Variants in DNAJB6 observed in about 807,000 individuals in gnomAD.
DNAJB6 encodes the protein dnaJ homolog subfamily B member 6.
A neutral mutation model predicts 42.7 loss-of-function variants in DNAJB6; 16 were observed. The ratio of observed to expected loss-of-function variants is 0.37; its 90% CI spans 0.25 to 0.57. DNAJB6 has a LOEUF of 0.57. DNAJB6 is among the 20% of genes least tolerant of loss of function. DNAJB6 has a pLI of 0.74. For synonymous variants in DNAJB6, 170 were observed against 163.5 expected (o/e 1.04, Z -0.30); for missense variants, 347 against 416.8 (o/e 0.83, Z 1.46).
At chr7:157,355,450 G>T (rs180999317) in intron 1 of DNAJB6, among the ~76,000 whole-genome samples, 1 of 152,222 alleles carries the variant, frequency 6.6e-6, no homozygotes, top group South Asian at 2.1e-4. Context: ...GTGAGCCACC[G>T]CACCCGGCCA....
At position 157,409,928 on chromosome 7, in the gene DNAJB6, T is replaced by C. The variant is rs1034901113; in HGVS notation, c.825T>C (p.Cys275=). Residue 275 remains cysteine (C), a synonymous_variant, in exon 9 of 10, where the codon TGT becomes TGC. Transcript: ENST00000262177. ...CGCTGCTGAGACACGCGCCTCACTG[T>C]CTCTCTGAGGAGGAGGGCGAGCAGG... ...PASLLRHAPH[C]LSEEEGEQDR... The C allele has an allele frequency of 3.9e-6, 6 of 1,536,314 alleles. No homozygotes were observed. The highest frequency in any genetic ancestry group is 4.4e-6 in the Non-Finnish European group (5 of 1,146,034).
At chr7:157,391,459 TG>T (rs1801338925) in intron 8 of DNAJB6, among the ~76,000 whole-genome samples, 1 of 152,200 alleles carries the variant, frequency 6.6e-6, no homozygotes, top group Non-Finnish European at 1.5e-5. Flanking sequence ...CCTGCACAGA[TG>T]AATTGGCACT....
At chr7:157,359,505 G>C (rs1329507864) in intron 2 of DNAJB6, among the ~76,000 whole-genome samples, 1 of 152,182 alleles carries the variant, frequency 6.6e-6, no homozygotes, top group Non-Finnish European at 1.5e-5. Flanking sequence ...GAGCCACTGT[G>C]TGTAGCTGAG....
At chr7:157,385,761 A>G (rs1416541374) in intron 8 of DNAJB6, 150 bp downstream of exon 8, 14 of 1,448,586 alleles carry the variant, frequency 9.7e-6, no homozygotes, top group Non-Finnish European at 1.3e-5. Flanking sequence ...AATTGTACCT[A>G]AAGTATTTAT....
intron 8 of DNAJB6, among the ~76,000 whole-genome samples, chr7:157,396,252 T>C (rs1801580066): frequency 6.6e-6 from 1 of 152,176 alleles, no homozygotes. Flanking sequence ...CCTGGCCCCA[T>C]GTTCCTTTTC....
intron 8 of DNAJB6, 93 bp from the exon 9 acceptor site, chr7:157,409,702 G>C: frequency 7.4e-7 from 1 of 1,355,416 alleles, no homozygotes. Flanking sequence ...TGGATTCAGG[G>C]AGATCGTGCG....
chr7:157,398,528 C>T (rs1046671112), intron 8 of DNAJB6, among the ~76,000 whole-genome samples: 1 of 152,240 alleles, frequency 6.6e-6, no homozygotes, highest in Non-Finnish European at 1.5e-5. Flanking sequence ...GGGGAAGAAA[C>T]TGGAGCCTCT....
At chr7:157,340,534 ATT>A (rs57143094) in intron 1 of DNAJB6, among the ~76,000 whole-genome samples, 17 of 148,828 alleles carry the variant, frequency 1.1e-4, no homozygotes, top group African/African-American at 3.4e-4. Context: ...TAAAAATGTG[ATT>A]TTTTTTTTTG....
intron 9 of DNAJB6, 110 bp from the exon 10 acceptor site, chr7:157,415,906 T>G: frequency 6.3e-7 from 1 of 1,583,406 alleles, no homozygotes. Context: ...GATGACTTCA[T>G]TTTGTTGCTT....
At chr7:157,361,121 A>G (rs1239015693) in intron 2 of DNAJB6, among the ~76,000 whole-genome samples, 1 of 146,942 alleles carries the variant, frequency 6.8e-6, no homozygotes, top group Admixed American at 6.8e-5. Context: ...TTGACTGAGG[A>G]TTTCTGGCAC....
chr7:157,366,609 A>G, intron 4 of DNAJB6, 48 bp downstream of exon 4: 2 of 1,556,652 alleles, frequency 1.3e-6, no homozygotes, highest in Non-Finnish European at 1.8e-6. Context: ...TTGGCAAGTA[A>G]GTTGAGTTTG....
chr7:157,367,728 G>T (rs183749083), intron 5 of DNAJB6, among the ~76,000 whole-genome samples: 45 of 152,110 alleles, frequency 3.0e-4, no homozygotes, highest in Admixed American at 7.2e-4. Context: ...GCATGGTGGC[G>T]CATGCCTGTA....
chr7:157,402,562 G>T (rs114028526), intron 8 of DNAJB6, among the ~76,000 whole-genome samples: 1 of 152,238 alleles, frequency 6.6e-6, no homozygotes, highest in East Asian at 1.9e-4. Context: ...ACACCTCCCA[G>T]GCTGGCCAGA....
At chr7:157,354,872 G>T (rs1799191821) in intron 1 of DNAJB6, among the ~76,000 whole-genome samples, 1 of 152,186 alleles carries the variant, frequency 6.6e-6, no homozygotes, top group Non-Finnish European at 1.5e-5. Flanking sequence ...GGAGCTCAAG[G>T]TAGAATTTAC....
At chr7:157,340,230 T>G (rs1326811920) in intron 1 of DNAJB6, among the ~76,000 whole-genome samples, 1 of 152,222 alleles carries the variant, frequency 6.6e-6, no homozygotes. Flanking sequence ...TTTTAAAACT[T>G]TTTCATTTCC....
intron 5 of DNAJB6, among the ~76,000 whole-genome samples, chr7:157,374,484 C>G (rs139885585): frequency 1.3e-5 from 2 of 152,148 alleles, no homozygotes; most frequent in Non-Finnish European, 2.9e-5. Flanking sequence ...GTCTCGAACT[C>G]CTGAGCTCAG....
intron 8 of DNAJB6, among the ~76,000 whole-genome samples, chr7:157,407,620 T>A (rs185334936): frequency 6.6e-6 from 1 of 152,244 alleles, no homozygotes; most frequent in East Asian, 1.9e-4. Flanking sequence ...GGAGCACCTG[T>A]GCTGAGTCTC....
In DNAJB6 at chr7:157,353,586, G is replaced by GGTGTGTGTGTGT. The variant is rs370854040; in HGVS notation, c.-26-4936_-26-4925dup. 2.4e-3 allele frequency among the ~76,000 whole-genome samples: 331 copies of GGTGTGTGTGTGT among 140,068 alleles called. 4 individuals are homozygous for GGTGTGTGTGTGT. Among genetic ancestry groups the GGTGTGTGTGTGT allele is most frequent in the East Asian group, 9.1e-3 (44 of 4,860 alleles). 91.9% of individuals were successfully genotyped at this position (140,068 alleles called of 152,430 possible). ...CTGTCCCGTTGTTTTTCTTGACCGGGGTGTGTGTGTGTGTGTGTGTGTGTG... is the reference window on the plus strand; with the variant it reads ...CTGTCCCGTTGTTTTTCTTGACCGGGGTGTGTGTGTGTGTGTGTGTGTGTGTGTGTGTGTGTG... On this transcript the variant is annotated intron_variant, in intron 1 of 9. Coordinates refer to ENST00000262177, the MANE Select transcript of DNAJB6 (RefSeq NM_058246.4).
intron 9 of DNAJB6, 76 bp from the exon 10 acceptor site, chr7:157,415,940 T>G (rs1314017523): frequency 6.2e-7 from 1 of 1,604,910 alleles, no homozygotes; most frequent in Non-Finnish European, 8.5e-7. Flanking sequence ...TGGGGAGATA[T>G]TTAGAAAACA....
Sources: gnomAD v4.1 joint callset for allele counts (sites outside exome capture counted in the v4.1 genomes callset) on GRCh38, gnomAD v4.1.1 for gene constraint, MANE v1.5 for transcripts, NCBI Gene and HGNC (gene_info 2026-07-23, HGNC 2026-07-21) for gene names.